Variants in BCL2 observed in about 807,000 individuals in gnomAD.
BCL2 encodes the protein apoptosis regulator Bcl-2.
A neutral mutation model predicts 14.2 loss-of-function variants in BCL2; 1 was observed. The observed-to-expected ratio is 0.07, with a 90% confidence interval of 0.02 to 0.33. The LOEUF is 0.33. Among genes scored for constraint, BCL2 ranks in the 10% least tolerant of loss-of-function variants. The pLI is 0.99. For synonymous variants in BCL2, 151 were observed against 137.2 expected (o/e 1.10, Z -0.70); for missense variants, 247 against 305.9 (o/e 0.81, Z 1.44).
chr18:63,270,203 T>A (rs1449151303), intron 2 of BCL2, among the ~76,000 whole-genome samples: 1 of 152,214 alleles, frequency 6.6e-6, no homozygotes, highest in African/African-American at 2.4e-5. Flanking sequence ...ATCGAAATGA[T>A]AAATGTACTT....
intron 2 of BCL2, among the ~76,000 whole-genome samples, chr18:63,288,589 A>T (rs1227349629): frequency 6.6e-6 from 1 of 152,202 alleles, no homozygotes; most frequent in African/African-American, 2.4e-5. Flanking sequence ...GAAATCAAGG[A>T]GTCTTTTGTC....
At position 63,128,509 on chromosome 18, in the gene BCL2, T is replaced by C; in HGVS notation, c.*116A>G. Reference sequence around the variant, plus strand: ...TGTGTGTGTGATGTTTATATGTGTGTTATTTTTTCTTAAACAGCCTGCAGC... The same window carrying C: ...TGTGTGTGTGATGTTTATATGTGTGCTATTTTTTCTTAAACAGCCTGCAGC... On this transcript the variant is annotated 3_prime_UTR_variant, in exon 3 of 3. Transcript: ENST00000333681. 1 of 660,418 alleles carries C rather than the reference T, an allele frequency of 1.5e-6. No homozygotes were observed. The highest frequency in any genetic ancestry group is 2.8e-6 in the Non-Finnish European group (1 of 354,896). 40.9% of individuals were successfully genotyped at this position (660,418 alleles called of 1,614,324 possible).
intron 2 of BCL2, among the ~76,000 whole-genome samples, chr18:63,203,156 C>G (rs139593595): frequency 6.6e-6 from 1 of 152,192 alleles, no homozygotes; most frequent in Non-Finnish European, 1.5e-5. Context: ...CTTACGAAAA[C>G]GTCTGAGTGT....
chr18:63,149,844 CATTTATTTATTT>C lies in BCL2; in HGVS notation c.586-21097_586-21086del, dbSNP rs372022076. Among the ~76,000 whole-genome samples the C allele has an allele frequency of 0.2, 28,870 of 147,246 alleles. 3,033 individuals carry two copies. Among genetic ancestry groups the C allele is most frequent in the Middle Eastern group, 0.28 (83 of 294 alleles). On this transcript the variant is annotated intron_variant, in intron 2 of 2. Transcript: ENST00000333681. This position sits in a 1 kb window ranked among gnomAD's most constrained non-coding sequence, Gnocchi z 4.2. The stretch of plus-strand genomic sequence containing the variant: ...CAGAAAGGGTTCTCCTGACATGAGG[CATTTATTTATTT>C]ATTTATTTATTTATTTATTTATTTA...
chr18:63,310,310 C>T (rs1351357521), intron 2 of BCL2, among the ~76,000 whole-genome samples: 1 of 152,130 alleles, frequency 6.6e-6, no homozygotes, highest in Non-Finnish European at 1.5e-5. Flanking sequence ...TTCTCCATGC[C>T]CCAGTCAAAT....
At chr18:63,189,377 T>C (rs1445802859) in intron 2 of BCL2, among the ~76,000 whole-genome samples, 3 of 152,162 alleles carry the variant, frequency 2.0e-5, no homozygotes, top group Non-Finnish European at 4.4e-5. Flanking sequence ...TCTTCTGTTG[T>C]TGCTTAGTCT....
At position 63,126,985 on chromosome 18, in the gene BCL2, G is replaced by A. The variant is rs1395419571; in HGVS notation, c.*1640C>T. ...GAAAAAAAAATTTCCTAGTTTATTT[G>A]CTGAAGATGTCACTTCTTTTGTTAC... is the stretch of plus-strand genomic sequence containing the variant. On this transcript the variant is annotated 3_prime_UTR_variant, in exon 3 of 3. Coordinates refer to ENST00000333681, the MANE Select transcript of BCL2 (RefSeq NM_000633.3). 1.8e-5 allele frequency: 4 copies of A among 226,368 alleles called. No homozygotes were observed. The East Asian group carries it at 1.9e-4, about 11-fold the overall frequency. 14.0% of individuals were successfully genotyped at this position (226,368 alleles called of 1,614,324 possible).
chr18:63,299,627 G>A (rs760110686), intron 2 of BCL2, among the ~76,000 whole-genome samples: 5 of 152,138 alleles, frequency 3.3e-5, no homozygotes, highest in Admixed American at 6.5e-5. Flanking sequence ...GAGCCTTGGA[G>A]AGCGAGCCTC....
intron 2 of BCL2, among the ~76,000 whole-genome samples, chr18:63,306,069 T>C (rs1331560352): frequency 5.3e-5 from 8 of 152,088 alleles, no homozygotes; most frequent in Non-Finnish European, 2.9e-5. Flanking sequence ...AGCAAGACCT[T>C]ATCTCCAAAA....
intron 2 of BCL2, among the ~76,000 whole-genome samples, chr18:63,207,270 C>T (rs1369365211): frequency 2.0e-5 from 3 of 152,134 alleles, no homozygotes; most frequent in Admixed American, 1.3e-4. Context: ...CGATGGGCAC[C>T]GGCTCATCTA....
At chr18:63,285,386 G>A (rs1361125855) in intron 2 of BCL2, among the ~76,000 whole-genome samples, 1 of 152,144 alleles carries the variant, frequency 6.6e-6, no homozygotes, top group East Asian at 1.9e-4. Context: ...TCTCTTTCTG[G>A]CTGACCTCTG....
chr18:63,153,202 T>C (rs1478463933), intron 2 of BCL2, among the ~76,000 whole-genome samples: 1 of 152,228 alleles, frequency 6.6e-6, no homozygotes, highest in Admixed American at 6.5e-5. Flanking sequence ...ATCTAACTCA[T>C]GTTAGATGAG....
chr18:63,140,442 T>C (rs1360328542), intron 2 of BCL2, among the ~76,000 whole-genome samples: 1 of 152,224 alleles, frequency 6.6e-6, no homozygotes, highest in East Asian at 1.9e-4. Context: ...TCTACCCACA[T>C]AATGGAATCT....
intron 2 of BCL2, among the ~76,000 whole-genome samples, chr18:63,227,233 C>T (rs959382611): frequency 6.6e-6 from 1 of 152,044 alleles, no homozygotes; most frequent in African/African-American, 2.4e-5. Context: ...TATTCAAGAC[C>T]AAGAGTGAAT....
At chr18:63,214,678 G>T (rs1193238820) in intron 2 of BCL2, among the ~76,000 whole-genome samples, 1 of 151,180 alleles carries the variant, frequency 6.6e-6, no homozygotes, top group East Asian at 1.9e-4. Context: ...CGGGCCCTAA[G>T]GCTCATTTCT....
rs370055505 is a variant in BCL2 at position 63,199,950 on chromosome 18, G to GCA, written c.586-71193_586-71192dup. On this transcript the variant is annotated intron_variant, in intron 2 of 2. Coordinates refer to ENST00000333681, the MANE Select transcript of BCL2 (RefSeq NM_000633.3). Reference sequence around the variant, plus strand: ...CGCGCACACATGCACACACACACACGCACACACACACACACGAAGGATATT... The same window carrying GCA: ...CGCGCACACATGCACACACACACACGCACACACACACACACACGAAGGATATT... Among the ~76,000 whole-genome samples the GCA allele has an allele frequency of 5.0e-3, 743 of 150,012 alleles. 5 individuals carry two copies. Among genetic ancestry groups the GCA allele is most frequent in the African/African-American group, 0.017 (678 of 40,904 alleles).
At chr18:63,204,725 A>T (rs965158119) in intron 2 of BCL2, among the ~76,000 whole-genome samples, 1 of 152,208 alleles carries the variant, frequency 6.6e-6, no homozygotes, top group African/African-American at 2.4e-5. Context: ...AAACGATGCA[A>T]TACTAGGAAG....
intron 2 of BCL2, among the ~76,000 whole-genome samples, chr18:63,204,738 T>C (rs1909787151): frequency 6.6e-6 from 1 of 152,248 alleles, no homozygotes; most frequent in African/African-American, 2.4e-5. Flanking sequence ...CTAGGAAGTA[T>C]TATACTACCT....
In BCL2 at chr18:63,124,723, AT is replaced by A; in HGVS notation, c.*3901del. The A allele has an allele frequency of 4.3e-6, 1 of 229,904 alleles. No homozygotes were observed. The highest frequency in any genetic ancestry group is 8.6e-6 in the Non-Finnish European group (1 of 115,618). The allele number at this position is 229,904 out of a possible 1,614,324, so 14.2% of individuals were successfully genotyped here. On this transcript the variant is annotated 3_prime_UTR_variant, in exon 3 of 3. Transcript: ENST00000333681. Reference sequence around the variant, plus strand: ...ACCTTCATAAGCTTGACAATGTAGAATTGTATTTCTTAAAAAGTGTGTAACC... The same window carrying A: ...ACCTTCATAAGCTTGACAATGTAGAATGTATTTCTTAAAAAGTGTGTAACC...
Sources: gnomAD v4.1 joint callset for allele counts (sites outside exome capture counted in the v4.1 genomes callset) on GRCh38, gnomAD v4.1.1 for gene constraint, Gnocchi (gnomAD v3.1) non-coding constraint, MANE v1.5 for transcripts, NCBI Gene and HGNC (gene_info 2026-07-23, HGNC 2026-07-21) for gene names.